ADAMTS14: variants seen among roughly 807,000 people sequenced by gnomAD.
ADAMTS14 encodes A disintegrin and metalloproteinase with thrombospondin motifs 14.
In ADAMTS14, 100 loss-of-function variants were observed where a neutral mutation model predicts 128.6. The observed-to-expected ratio is 0.78, with a 90% CI of 0.66 to 0.92. The LOEUF is 0.92. ADAMTS14 is among the 40% of genes least tolerant of loss of function. ADAMTS14 has a pLI of 0.00. For synonymous variants in ADAMTS14, 665 were observed against 653.8 expected (o/e 1.02, Z -0.26); for missense variants, 1,562 against 1,658.6 (o/e 0.94, Z 1.01).
At chr10:70,695,277 C>G (rs1312307852) in intron 2 of ADAMTS14, among the ~76,000 whole-genome samples, 1 of 152,088 alleles carries the variant, frequency 6.6e-6, no homozygotes, top group African/African-American at 2.4e-5. Context: ...GAGGAGAGGC[C>G]GGTCTCTCAT....
At chr10:70,740,827 A>G (rs1841971817) in intron 11 of ADAMTS14, among the ~76,000 whole-genome samples, 160 bp from the exon 12 acceptor site, 1 of 152,198 alleles carries the variant, frequency 6.6e-6, no homozygotes, top group Admixed American at 6.5e-5. Context: ...GCTGAGCTCC[A>G]CAGCCCCCAC....
chr10:70,755,647 C>A (rs1842463450), intron 19 of ADAMTS14, among the ~76,000 whole-genome samples: 1 of 152,194 alleles, frequency 6.6e-6, no homozygotes. Context: ...GAGTTCAAGA[C>A]CAGTCTGGCC....
chr10:70,705,224 G>A (rs1840625110), intron 3 of ADAMTS14, among the ~76,000 whole-genome samples: 2 of 152,140 alleles, frequency 1.3e-5, no homozygotes, highest in Non-Finnish European at 2.9e-5. Flanking sequence ...CTCACCCCGC[G>A]GCCCTGCCTT....
rs369707339 is a variant in ADAMTS14, at chr10:70,741,037, T to A, written c.1799T>A (p.Val600Asp). 6.4e-5 allele frequency: 103 copies of A among 1,613,992 alleles called. No individual in the cohort carries two copies. Among genetic ancestry groups the A allele is most frequent in the Non-Finnish European group, 8.1e-5 (96 of 1,180,032 alleles). Residue 600 changes from valine to aspartate, a missense_variant, in exon 12 of 22, where the codon GTC becomes GAC. By Grantham distance (152) the Val-to-Asp change is radical. Transcript: ENST00000373207. The stretch of plus-strand genomic sequence containing the variant: ...TTAGGGCCCATGTTCGAGTACCAGG[T>A]CTGCAACAGCGAGGAGTGCCCTGGG... ...LCLGPMFEYQVCNSEECPGTY... is the reference protein window; with the variant it reads ...LCLGPMFEYQDCNSEECPGTY...
intron 3 of ADAMTS14, among the ~76,000 whole-genome samples, chr10:70,704,550 C>T (rs1840595949): frequency 6.6e-6 from 1 of 151,198 alleles, no homozygotes; most frequent in Admixed American, 6.6e-5. Flanking sequence ...TAGACACACA[C>T]CATCTATACC....
intron 1 of ADAMTS14, among the ~76,000 whole-genome samples, chr10:70,673,676 A>C (rs57552343): frequency 6.6e-6 from 1 of 152,162 alleles, no homozygotes; most frequent in Non-Finnish European, 1.5e-5. Flanking sequence ...TCTATGTTTC[A>C]TCAGTGACGT....
chr10:70,704,915 CT>C (rs1840613436), intron 3 of ADAMTS14, among the ~76,000 whole-genome samples: 1 of 152,068 alleles, frequency 6.6e-6, no homozygotes, highest in South Asian at 2.1e-4. Flanking sequence ...CCCACCCGCA[CT>C]CACACACCTG....
At chr10:70,699,189 G>A (rs1840423932) in intron 2 of ADAMTS14, among the ~76,000 whole-genome samples, 1 of 152,144 alleles carries the variant, frequency 6.6e-6, no homozygotes, top group African/African-American at 2.4e-5. Flanking sequence ...ATACAGTATT[G>A]TAGTTAAGAA....
intron 11 of ADAMTS14, among the ~76,000 whole-genome samples, chr10:70,739,731 C>T (rs957022385): frequency 3.9e-5 from 6 of 152,286 alleles, no homozygotes; most frequent in East Asian, 1.9e-4. Context: ...ATGAAGACTG[C>T]GGAATCGCAA....
Position 70,753,860 on chromosome 10 carries a change from A to G in ADAMTS14, c.2790A>G (p.Thr930=). 2 of 1,594,312 alleles carry G rather than the reference A, an allele frequency of 1.3e-6. No homozygotes were observed. Among genetic ancestry groups the G allele is most frequent in the Admixed American group, 1.8e-5 (1 of 56,488 alleles). ...SRSCGKLGVQ[T]RGIQCLLPLS... is the part of the protein sequence containing the mutation. Reference sequence around the variant, plus strand: ...GCTGTGGGAAGCTGGGGGTGCAGACACGGGGGATACAGTGCCTGCTGCCCC... The same window carrying G: ...GCTGTGGGAAGCTGGGGGTGCAGACGCGGGGGATACAGTGCCTGCTGCCCC... The change falls in exon 19 of 22, where the codon ACA becomes ACG. Residue 930 remains threonine (T), a synonymous_variant. Coordinates refer to ENST00000373207, the MANE Select transcript of ADAMTS14 (RefSeq NM_080722.4).
At chr10:70,699,048 G>A (rs571868417) in intron 2 of ADAMTS14, among the ~76,000 whole-genome samples, 1 of 152,302 alleles carries the variant, frequency 6.6e-6, no homozygotes, top group South Asian at 2.1e-4. Context: ...GAGAGTTGGA[G>A]AATGAGTGTC....
chr10:70,744,196 C>T lies in ADAMTS14; in HGVS notation c.2182+7C>T, dbSNP rs374537368. On this transcript the variant is annotated splice_region_variant and intron_variant, in intron 14 of 21. Coordinates refer to ENST00000373207, the MANE Select transcript of ADAMTS14 (RefSeq NM_080722.4). ...AAGGCCTCCAAGCAGGCAGGTGAGC[C>T]GGGCTGGGGCTGGGGGGATGACGAG... 58 of 1,521,100 alleles carry T rather than the reference C, an allele frequency of 3.8e-5. 1 individual carries two copies. The South Asian group carries it at 4.0e-4, about 10-fold the overall frequency. 94.2% of individuals were successfully genotyped at this position (1,521,100 alleles called of 1,614,324 possible).
chr10:70,696,124 A>C (rs1401092995), intron 2 of ADAMTS14, among the ~76,000 whole-genome samples: 1 of 152,078 alleles, frequency 6.6e-6, no homozygotes, highest in Non-Finnish European at 1.5e-5. Flanking sequence ...GATGCGGGAC[A>C]CTCGAGTGTG....
chr10:70,714,822 TG>T (rs1840978138), intron 4 of ADAMTS14, among the ~76,000 whole-genome samples: 1 of 151,378 alleles, frequency 6.6e-6, no homozygotes, highest in Non-Finnish European at 1.5e-5. Flanking sequence ...GTGGTGCGCC[TG>T]TAGTTCCAGC....
At chr10:70,723,602 A>G (rs7096309) in intron 4 of ADAMTS14, among the ~76,000 whole-genome samples, 58,664 of 151,750 alleles carry the variant, frequency 0.39, 11,814 homozygotes, top group African/African-American at 0.49. Context: ...AAGCAATGCA[A>G]GGAGGCGCTT....
intron 4 of ADAMTS14, among the ~76,000 whole-genome samples, chr10:70,725,756 G>A (rs549492957): frequency 1.3e-5 from 2 of 152,242 alleles, no homozygotes; most frequent in African/African-American, 2.4e-5. Flanking sequence ...CAAAGCAGTT[G>A]ACTTTAGCTA....
chr10:70,718,297 A>C (rs1841121064), intron 4 of ADAMTS14, among the ~76,000 whole-genome samples: 2 of 152,128 alleles, frequency 1.3e-5, no homozygotes, highest in African/African-American at 4.8e-5. Flanking sequence ...CTCTTCCCCA[A>C]AACTGCTTTT....
intron 5 of ADAMTS14, 74 bp downstream of exon 5, chr10:70,729,451 T>A (rs1841558289): frequency 7.9e-7 from 1 of 1,270,090 alleles, no homozygotes; most frequent in Admixed American, 1.7e-5. Context: ...CCAGCAATGG[T>A]GTGGGCTGCA....
intron 15 of ADAMTS14, among the ~76,000 whole-genome samples, chr10:70,748,792 A>G (rs1019554469): frequency 6.6e-6 from 1 of 152,148 alleles, no homozygotes; most frequent in African/African-American, 2.4e-5. Flanking sequence ...CCCAGGTGGG[A>G]GCTCTGTGGG....
Sources: gnomAD v4.1 joint callset for allele counts (sites outside exome capture counted in the v4.1 genomes callset) on GRCh38, gnomAD v4.1.1 for gene constraint, MANE v1.5 for transcripts, NCBI Gene and HGNC (gene_info 2026-07-23, HGNC 2026-07-21) for gene names.